The following TM9SF3 variants were observed in gnomAD, a reference collection of about 807,000 sequenced individuals.
TM9SF3 encodes the protein transmembrane 9 superfamily member 3.
TM9SF3 carries 14 observed loss-of-function variants against 78.6 expected under a neutral mutation model. The ratio of observed to expected loss-of-function variants is 0.18; its 90% CI spans 0.12 to 0.28. The LOEUF is 0.28. Ranked by LOEUF, TM9SF3 falls within the 10% of genes least tolerant of loss-of-function variation. The pLI is 1.00. For synonymous variants in TM9SF3, 231 were observed against 241.7 expected, an observed-to-expected ratio of 0.96 and a Z score of 0.41; for missense variants, 496 against 721.9, an observed-to-expected ratio of 0.69 and a Z score of 3.59.
rs150937413 is a variant in TM9SF3, at chr10:96,562,050, A to G, written c.510T>C (p.Ile170=). ...CTTCACTAGTTAGATTAACATCAACAATTCGATTTCCATTAAAACCTATTT... is the reference window on the plus strand; with the variant it reads ...CTTCACTAGTTAGATTAACATCAACGATTCGATTTCCATTAAAACCTATTT... ...KLEIGFNGNR[I]VDVNLTSEGK... is the part of the protein sequence containing the mutation. Residue 170 remains isoleucine, a synonymous_variant, in exon 4 of 15, where the codon ATT becomes ATC. Transcript: ENST00000371142. 2.5e-6 allele frequency: 4 copies of G among 1,613,508 alleles called. No individual in the cohort carries two copies. Among genetic ancestry groups the G allele is most frequent in the African/African-American group, 2.7e-5 (2 of 74,904 alleles).
In TM9SF3 at chr10:96,536,489, G is replaced by C. The variant is rs138911353; in HGVS notation, c.1186-3299C>G. Among the ~76,000 whole-genome samples, 435 of 152,196 alleles carry C rather than the reference G, an allele frequency of 2.9e-3. 3 individuals carry two copies. The highest frequency in any genetic ancestry group is 5.1e-3 in the Non-Finnish European group (347 of 67,984). On this transcript the variant is annotated intron_variant, in intron 9 of 14. Coordinates refer to ENST00000371142, the MANE Select transcript of TM9SF3 (RefSeq NM_020123.4). ...GTTTTTACTTTATTGTAAGAATAAA[G>C]TAACCCTAGCTCACTTATTGTAGAA...
At chr10:96,528,856 T>C (rs1031446835) in intron 11 of TM9SF3, among the ~76,000 whole-genome samples, 4 of 152,082 alleles carry the variant, frequency 2.6e-5, no homozygotes, top group African/African-American at 9.7e-5. Context: ...TAAAGACCCT[T>C]AATGGCCATG....
chr10:96,560,789 A>G, intron 4 of TM9SF3: 1 of 561,390 alleles, frequency 1.8e-6, no homozygotes, highest in South Asian at 1.4e-5. Context: ...GAAAAGACTC[A>G]AAACTATCAA....
chr10:96,533,328 A>C (rs1179851202), intron 9 of TM9SF3, 138 bp from the exon 10 acceptor site: 12 of 1,069,206 alleles, frequency 1.1e-5, no homozygotes, highest in Middle Eastern at 2.9e-4. Flanking sequence ...TTGTGCAAGA[A>C]GTACACTAAT....
At chr10:96,553,680 C>G (rs1848201756) in intron 5 of TM9SF3, among the ~76,000 whole-genome samples, 1 of 152,210 alleles carries the variant, frequency 6.6e-6, no homozygotes, top group South Asian at 2.1e-4. Context: ...CTGTCACCAT[C>G]ATAATTCAGC....
intron 5 of TM9SF3, among the ~76,000 whole-genome samples, chr10:96,556,511 TCTTATA>T (rs1200144568): frequency 6.6e-6 from 1 of 152,198 alleles, no homozygotes; most frequent in African/African-American, 2.4e-5. Context: ...TAGAAGCAAT[TCTTATA>T]CTTGTACAGT....
In TM9SF3 at chr10:96,579,013, G is replaced by A. The variant is rs117454578; in HGVS notation, c.103-2184C>T. ...AATCACTTGAACCTGGGAGGTGGAG[G>A]TTGCAGTGAGCCTGAGATTGCGCCA... On this transcript the variant is annotated intron_variant, in intron 1 of 14. Coordinates refer to ENST00000371142, the MANE Select transcript of TM9SF3 (RefSeq NM_020123.4). 4.8e-4 allele frequency among the ~76,000 whole-genome samples: 73 copies of A among 152,334 alleles called. No individual in the cohort carries two copies. The East Asian group carries it at 0.013, about 28-fold the overall frequency.
intron 5 of TM9SF3, among the ~76,000 whole-genome samples, chr10:96,556,011 TTCTAA>T (rs1218409043): frequency 2.0e-5 from 3 of 152,206 alleles, no homozygotes; most frequent in Non-Finnish European, 4.4e-5. Flanking sequence ...CTCTGCTATT[TTCTAA>T]TCTAAGATAT....
chr10:96,535,048 T>C (rs1847940288), intron 9 of TM9SF3, among the ~76,000 whole-genome samples: 1 of 152,230 alleles, frequency 6.6e-6, no homozygotes, highest in African/African-American at 2.4e-5. Flanking sequence ...GCACAATGTG[T>C]GTGACAGGCA....
Position 96,585,606 on chromosome 10 carries a change from G to A in TM9SF3, c.102+1128C>T, listed in dbSNP as rs577375839. Among the ~76,000 whole-genome samples, 307 of 152,310 alleles carry A rather than the reference G, an allele frequency of 2.0e-3. 1 individual carries two copies. Among genetic ancestry groups the A allele is most frequent in the Non-Finnish European group, 3.4e-3 (228 of 68,022 alleles). ...TTAGAGCTTTTATTAGCTAAAATAA[G>A]ATCCCAGCTAGCCAAGGATCCAGCG... On this transcript the variant is annotated intron_variant, in intron 1 of 14. Transcript: ENST00000371142.
intron 9 of TM9SF3, among the ~76,000 whole-genome samples, chr10:96,534,560 C>G (rs1847933939): frequency 1.3e-5 from 2 of 151,960 alleles, no homozygotes; most frequent in African/African-American, 2.4e-5. Context: ...ATATATTTTT[C>G]CCTTAGTTTA....
intron 9 of TM9SF3, among the ~76,000 whole-genome samples, chr10:96,541,661 G>T (rs367837754): frequency 6.6e-6 from 1 of 152,170 alleles, no homozygotes; most frequent in South Asian, 2.1e-4. Flanking sequence ...AATTACAGGC[G>T]TGAGCCATCA....
At chr10:96,540,800 G>A (rs1415016718) in intron 9 of TM9SF3, among the ~76,000 whole-genome samples, 1 of 92,568 alleles carries the variant, frequency 1.1e-5, no homozygotes, top group South Asian at 3.5e-4. Flanking sequence ...TTTTTGAGAT[G>A]GAGTCTCACT....
chr10:96,562,215 A>ACTT, intron 3 of TM9SF3, 77 bp from the exon 4 acceptor site: 1 of 953,032 alleles, frequency 1.0e-6, no homozygotes, highest in South Asian at 1.7e-5. Flanking sequence ...ATGCTCATTA[A>ACTT]GTTTTTTTTT....
chr10:96,561,094 A>G (rs1848302443), intron 4 of TM9SF3, among the ~76,000 whole-genome samples: 1 of 152,152 alleles, frequency 6.6e-6, no homozygotes, highest in Non-Finnish European at 1.5e-5. Context: ...GCTGGAAACA[A>G]TCTCACTCTT....
At chr10:96,548,656 T>A (rs915391035) in intron 7 of TM9SF3, among the ~76,000 whole-genome samples, 1 of 151,530 alleles carries the variant, frequency 6.6e-6, no homozygotes, top group African/African-American at 2.4e-5. Flanking sequence ...AAATTAGCCA[T>A]GTGTGATGGC....
At chr10:96,527,392 T>TA (rs756169433) in intron 13 of TM9SF3, 21 bp downstream of exon 13, 6 of 1,598,322 alleles carry the variant, frequency 3.8e-6, no homozygotes, top group Admixed American at 3.5e-5. Context: ...AAATAAAAGG[T>TA]AAAAAAATGT....
chr10:96,552,514 T>C (rs1375388087), intron 6 of TM9SF3, among the ~76,000 whole-genome samples: 1 of 152,226 alleles, frequency 6.6e-6, no homozygotes, highest in African/African-American at 2.4e-5. Context: ...AACACACTTT[T>C]TGTTCTCTAA....
In TM9SF3 at chr10:96,586,881, C is replaced by T; in HGVS notation, c.-46G>A. The T allele has an allele frequency of 3.1e-6, 3 of 971,924 alleles. No individual in the cohort carries two copies. The highest frequency in any genetic ancestry group is 4.8e-5 in the South Asian group (1 of 20,754). 60.2% of individuals were successfully genotyped at this position (971,924 alleles called of 1,614,324 possible). A position where few individuals can be genotyped will look rare whatever the true frequency, so the allele number is the denominator to read the frequency against. On this transcript the variant is annotated 5_prime_UTR_variant, in exon 1 of 15. Coordinates refer to ENST00000371142, the MANE Select transcript of TM9SF3 (RefSeq NM_020123.4). ...GGAGCCGGCTCACCGACTCCTCCTCCCGCCGCCGCCTCCTCCGCCGCCGCC... is the reference window on the plus strand; with the variant it reads ...GGAGCCGGCTCACCGACTCCTCCTCTCGCCGCCGCCTCCTCCGCCGCCGCC...
Sources: allele counts gnomAD v4.1 joint callset (sites outside exome capture counted in the v4.1 genomes callset), GRCh38; gene constraint gnomAD v4.1.1; transcripts MANE v1.5; gene names NCBI Gene and HGNC (gene_info 2026-07-23, HGNC 2026-07-21).